The following TMPO variants were observed in gnomAD, a reference collection of about 807,000 sequenced individuals.
TMPO encodes LEM domain containing 4.
In TMPO, 22 loss-of-function variants were observed where a neutral mutation model predicts 45.4. The ratio of observed to expected loss-of-function variants is 0.48; its 90% confidence interval spans 0.35 to 0.69. The LOEUF is 0.69. Among genes scored for constraint, TMPO ranks in the 30% least tolerant of loss-of-function variants. TMPO has a pLI of 0.01. For synonymous variants in TMPO, 241 were observed against 204.1 expected (o/e 1.18, Z -1.54); for missense variants, 512 against 548.8 (o/e 0.93, Z 0.67).
intron 7 of TMPO, 68 bp downstream of exon 7, chr12:98,545,129 G>GCT: frequency 3.1e-6 from 2 of 649,280 alleles, no homozygotes; most frequent in Non-Finnish European, 4.9e-6. Flanking sequence ...ATATTTGTTT[G>GCT]TTTTTTTTTT....
chr12:98,537,420 A>T, intron 3 of TMPO, 55 bp from the exon 4 acceptor site: 1 of 1,411,108 alleles, frequency 7.1e-7, no homozygotes, highest in Admixed American at 1.7e-5. Context: ...TTAGGATAAC[A>T]TCATCATTTA....
At chr12:98,545,213 G>A in intron 7 of TMPO, 152 bp downstream of exon 7, 2 of 633,260 alleles carry the variant, frequency 3.2e-6, no homozygotes, top group African/African-American at 1.9e-5. Flanking sequence ...ATTATTTTAA[G>A]GACACTTTTA....
intron 1 of TMPO, among the ~76,000 whole-genome samples, chr12:98,524,669 C>T (rs755580591): frequency 7.9e-5 from 12 of 152,196 alleles, no homozygotes; most frequent in Non-Finnish European, 1.8e-4. Context: ...TGTCGACTCA[C>T]TGCAACCTCC....
chr12:98,530,552 C>A (rs946779895), intron 2 of TMPO, among the ~76,000 whole-genome samples: 1 of 152,128 alleles, frequency 6.6e-6, no homozygotes, highest in African/African-American at 2.4e-5. Context: ...AAAACAAAAT[C>A]TATTTTGGTT....
rs1878306183 is a variant in TMPO at position 98,547,664 on chromosome 12, G to A, written c.1171G>A (p.Val391Ile). ...GGAGGAGTCTTTTTCATCTAAATAT[G>A]TTCCTAAGTATGTTCCCTTGGCAGA... ...RMEESFSSKYVPKYVPLADVK... is the reference protein window; with the variant it reads ...RMEESFSSKYIPKYVPLADVK... Residue 391 changes from valine (V) to isoleucine (I), a missense_variant, in exon 9 of 9, where the codon GTT (valine) becomes ATT (isoleucine). Val to Ile is a conservative substitution (Grantham distance 29, BLOSUM62 3). Around this residue, in one of 3 missense-constraint regions of TMPO, gnomAD observed 209 missense variants for 235.1 expected, o/e 0.89. Transcript: ENST00000556029. 2 of 1,614,018 alleles carry A rather than the reference G, an allele frequency of 1.2e-6. No homozygotes were observed. Among genetic ancestry groups the A allele is most frequent in the African/African-American group, 1.3e-5 (1 of 74,900 alleles).
intron 1 of TMPO, among the ~76,000 whole-genome samples, chr12:98,520,527 G>A (rs1219017427): frequency 1.3e-5 from 2 of 149,952 alleles, no homozygotes; most frequent in Non-Finnish European, 3.0e-5. Context: ...GGCTGGTCTC[G>A]AACTCCTGAC....
intron 2 of TMPO, among the ~76,000 whole-genome samples, chr12:98,528,857 G>T (rs763241261): frequency 5.3e-5 from 8 of 152,086 alleles, no homozygotes. Context: ...TACTTAGGAG[G>T]CTGAGGCAGG....
At chr12:98,527,721 G>T in intron 1 of TMPO, 165 bp from the exon 2 acceptor site, 1 of 690,232 alleles carries the variant, frequency 1.4e-6, no homozygotes. Context: ...AACTTAGAAA[G>T]TGTTCTCCAA....
rs1411106734 is a variant in TMPO at position 98,547,786 on chromosome 12, T to C, written c.1293T>C (p.Tyr431=). ...VVVAVFLFLV[Y]QAMETNQVNP... ...TGGCAGTTTTTTTGTTTTTGGTCTA[T>C]CAAGCTATGGAAACCAACCAAGTAA... Residue 431 remains tyrosine, a synonymous_variant, in exon 9 of 9, where the codon TAT becomes TAC. Transcript: ENST00000556029. The C allele has an allele frequency of 3.7e-6, 6 of 1,614,162 alleles. No homozygotes were observed. Among genetic ancestry groups the C allele is most frequent in the Non-Finnish European group, 5.1e-6 (6 of 1,180,040 alleles).
intron 3 of TMPO, chr12:98,535,683 T>A (rs562168207): frequency 1.0e-6 from 1 of 985,154 alleles, no homozygotes; most frequent in South Asian, 4.7e-5. Flanking sequence ...ATTCTTGGAG[T>A]TGCAACAAGT....
In TMPO at chr12:98,533,562, G is replaced by C. The variant is rs181830203; in HGVS notation, c.565+1724G>C. 8.1e-6 allele frequency: 13 copies of C among 1,614,234 alleles called. No individual in the cohort carries two copies. The East Asian group carries it at 2.7e-4, about 33-fold the overall frequency. ...GAAAAGTCCCTAGACTGAGTGAGAA[G>C]TCAGTGGAGGAAAGGGATTCAGGTT... is the stretch of plus-strand genomic sequence containing the variant. On this transcript the variant is annotated intron_variant, in intron 3 of 8. Transcript: ENST00000556029.
At chr12:98,521,599 C>G (rs1012141996) in intron 1 of TMPO, among the ~76,000 whole-genome samples, 2 of 152,006 alleles carry the variant, frequency 1.3e-5, no homozygotes, top group African/African-American at 4.8e-5. Flanking sequence ...TTGAAACTAC[C>G]TAGATTGTGG....
Position 98,530,336 on chromosome 12 carries a change from C to CA in TMPO, c.407-1331dup, listed in dbSNP as rs760001497. 4.1e-3 allele frequency among the ~76,000 whole-genome samples: 501 copies of CA among 121,480 alleles called. 2 individuals are homozygous for CA. Among genetic ancestry groups the CA allele is most frequent in the Admixed American group, 9.1e-3 (106 of 11,654 alleles). 79.7% of individuals were successfully genotyped at this position (121,480 alleles called of 152,430 possible). On this transcript the variant is annotated intron_variant, in intron 2 of 8. Transcript: ENST00000556029. ...TGGGCAACAGAGCAAGACCTTGTCTCAAAAAAAAAAAAAGAAATTCCAAAA... is the reference window on the plus strand; with the variant it reads ...TGGGCAACAGAGCAAGACCTTGTCTCAAAAAAAAAAAAAAGAAATTCCAAAA...
intron 3 of TMPO, chr12:98,534,409 G>C: frequency 6.3e-7 from 1 of 1,599,056 alleles, no homozygotes. Context: ...TTTCTTTTCT[G>C]TTAAGGTTGT....
chr12:98,550,176 T>G lies in TMPO; in HGVS notation c.*2318T>G, dbSNP rs1461638751. On this transcript the variant is annotated 3_prime_UTR_variant, in exon 9 of 9. Coordinates refer to ENST00000556029, the MANE Select transcript of TMPO (RefSeq NM_001032283.3). ...GTAGTCATTTTTTAAAAACATGTAC[T>G]TGGTCTTTTGTGTGTGTCTGTTTTA... is the stretch of plus-strand genomic sequence containing the variant. 2 of 152,222 alleles carry G rather than the reference T, an allele frequency of 1.3e-5. No homozygotes were observed. The highest frequency in any genetic ancestry group is 2.9e-5 in the Non-Finnish European group (2 of 68,044). The allele number at this position is 152,222 out of a possible 1,614,324, so 9.4% of individuals were successfully genotyped here.
rs530339124 is a variant in TMPO at position 98,526,865 on chromosome 12, G to A, written c.280-1021G>A. Among the ~76,000 whole-genome samples, 3 of 152,216 alleles carry A rather than the reference G, an allele frequency of 2.0e-5. No homozygotes were observed. In the Middle Eastern group the frequency reaches 0.01, roughly 518 times the overall value. On this transcript the variant is annotated intron_variant, in intron 1 of 8. Coordinates refer to ENST00000556029, the MANE Select transcript of TMPO (RefSeq NM_001032283.3). ...CTCAGCTACTCGGGAGGCTGAGGCAGGAGAATCGCTTGAACCCGGGAGTCG... is the reference window on the plus strand; with the variant it reads ...CTCAGCTACTCGGGAGGCTGAGGCAAGAGAATCGCTTGAACCCGGGAGTCG...
intron 2 of TMPO, among the ~76,000 whole-genome samples, chr12:98,530,816 G>A (rs908938052): frequency 2.6e-5 from 4 of 152,142 alleles, no homozygotes; most frequent in Non-Finnish European, 5.9e-5. Flanking sequence ...GTACTATTAC[G>A]TAGTAGTAGA....
chr12:98,532,085 C>G (rs1035266281), intron 3 of TMPO: 1 of 440,076 alleles, frequency 2.3e-6, no homozygotes, highest in African/African-American at 2.0e-5. Flanking sequence ...TGCTACAAAT[C>G]TCATTTTTCT....
intron 3 of TMPO, chr12:98,532,963 A>G: frequency 1.2e-6 from 2 of 1,614,152 alleles, no homozygotes; most frequent in Non-Finnish European, 1.7e-6. Context: ...TTTGGGCAGT[A>G]CCGAACTACA....
Sources: gnomAD v4.1 joint callset for allele counts (sites outside exome capture counted in the v4.1 genomes callset) on GRCh38, gnomAD v4.1.1 for gene constraint, gnomAD v4.1.1 regional missense constraint, MANE v1.5 for transcripts, NCBI Gene and HGNC (gene_info 2026-07-23, HGNC 2026-07-21) for gene names.